The following CNIH3 variants were observed in gnomAD, a reference collection of about 807,000 sequenced individuals.
CNIH3 encodes cornichon family AMPA receptor auxiliary protein 3, also known as protein cornichon homolog 3.
Under a neutral mutation model 24.1 loss-of-function variants are expected in CNIH3, and 14 were observed. The ratio of observed to expected loss-of-function variants is 0.58; its 90% CI spans 0.38 to 0.91. CNIH3 has a LOEUF of 0.91. CNIH3 is among the 40% of genes least tolerant of loss of function. The probability of loss-of-function intolerance (pLI) is 0.00; values close to 1 mark genes in which losing one functional copy is unlikely to be tolerated. For missense variants in CNIH3, 178 were observed against 196.8 expected (o/e 0.90, Z 0.57); for synonymous variants, 68 against 73.8 (o/e 0.92, Z 0.40).
intron 3 of CNIH3, among the ~76,000 whole-genome samples, chr1:224,601,105 G>C (rs1682188452): frequency 6.6e-6 from 1 of 152,204 alleles, no homozygotes; most frequent in East Asian, 1.9e-4. Flanking sequence ...TGAAAGTAAA[G>C]TACACTTGGA....
At chr1:224,580,624 C>T (rs148289402) in intron 4 of CNIH3, among the ~76,000 whole-genome samples, 23 of 151,910 alleles carry the variant, frequency 1.5e-4, no homozygotes, top group African/African-American at 4.3e-4. Context: ...GTCAGGAGAT[C>T]GAGACCATCC....
intron 3 of CNIH3, among the ~76,000 whole-genome samples, chr1:224,686,163 C>G (rs10458376): frequency 0.17 from 20,851 of 125,414 alleles, 1,893 homozygotes; most frequent in African/African-American, 0.22. Context: ...CCCCTCCCCC[C>G]ACCCCACGAC....
intron 1 of CNIH3, among the ~76,000 whole-genome samples, chr1:224,650,522 C>T (rs1040776410): frequency 6.6e-6 from 1 of 151,854 alleles, no homozygotes; most frequent in Non-Finnish European, 1.5e-5. Flanking sequence ...ATAGCAGCCC[C>T]TGACCTGGCT....
At chr1:224,497,771 GCTCCTGA>G (rs1677495622) in intron 1 of CNIH3, among the ~76,000 whole-genome samples, 1 of 152,190 alleles carries the variant, frequency 6.6e-6, no homozygotes, top group South Asian at 2.1e-4. Context: ...GTGGTCAGAT[GCTCCTGA>G]CTATGACCCT....
chr1:224,612,950 C>G (rs1352151242), upstream of CNIH3, among the ~76,000 whole-genome samples: 1 of 152,194 alleles, frequency 6.6e-6, no homozygotes, highest in South Asian at 2.1e-4. The surrounding 1 kb of genome is among the most constrained non-coding windows in gnomAD (Gnocchi z 4.7). Flanking sequence ...TTGGTGGTAT[C>G]TGAGAGCAGC....
Position 224,631,771 on chromosome 1 carries a change from C to T in CNIH3, c.81+14516C>T, listed in dbSNP as rs536383284. On this transcript the variant is annotated intron_variant, in intron 1 of 5. Coordinates refer to ENST00000272133, the MANE Select transcript of CNIH3 (RefSeq NM_152495.2). Reference sequence around the variant, plus strand: ...TCCATTTTGACTCCGGGATGTATCTCTCCTGCTGGGGAAAAATGCAGGGGA... The same window carrying T: ...TCCATTTTGACTCCGGGATGTATCTTTCCTGCTGGGGAAAAATGCAGGGGA... 7.2e-5 allele frequency among the ~76,000 whole-genome samples: 11 copies of T among 152,286 alleles called. No homozygotes were observed. The South Asian group carries it at 2.3e-3, about 32-fold the overall frequency.
At chr1:224,638,111 C>T (rs953909619) in intron 1 of CNIH3, among the ~76,000 whole-genome samples, 5 of 152,240 alleles carry the variant, frequency 3.3e-5, no homozygotes, top group African/African-American at 1.2e-4. Flanking sequence ...GATGGAAGAA[C>T]GCCTTGCGGC....
intron 1 of CNIH3, among the ~76,000 whole-genome samples, chr1:224,630,481 A>G (rs1683764833): frequency 6.6e-6 from 1 of 152,140 alleles, no homozygotes; most frequent in Admixed American, 6.5e-5. Context: ...ATTTGTAAAA[A>G]GGTAGTTTCT....
In CNIH3 at chr1:224,703,270, G is replaced by A. The variant is rs1027418374; in HGVS notation, c.198+18427G>A. On this transcript the variant is annotated intron_variant, in intron 3 of 5. Transcript: ENST00000272133. This position sits in a 1 kb window ranked among gnomAD's most constrained non-coding sequence, Gnocchi z 4.2. ...GGGCAGAGGGCTGGCCAAGGTAGAC[G>A]TGACCACCGGACCAGCTGAGCCACG... 3.3e-5 allele frequency among the ~76,000 whole-genome samples: 5 copies of A among 152,168 alleles called. No homozygotes were observed. Among genetic ancestry groups the A allele is most frequent in the South Asian group, 2.1e-4 (1 of 4,814 alleles).
chr1:224,734,448 G>T (rs1689491945), intron 4 of CNIH3, 115 bp from the exon 5 acceptor site: 3 of 1,009,384 alleles, frequency 3.0e-6, no homozygotes, highest in Non-Finnish European at 4.5e-6. Flanking sequence ...TGGGCAGAAG[G>T]CAGGCAATTG....
chr1:224,516,285 G>T (rs955364681), intron 1 of CNIH3, among the ~76,000 whole-genome samples: 3 of 131,682 alleles, frequency 2.3e-5, no homozygotes, highest in Admixed American at 9.3e-5. Flanking sequence ...CTGCATTCCC[G>T]CCTGGCGACA....
chr1:224,656,920 G>C (rs1685124958), intron 1 of CNIH3, among the ~76,000 whole-genome samples: 2 of 152,192 alleles, frequency 1.3e-5, no homozygotes, highest in Non-Finnish European at 2.9e-5. Flanking sequence ...CCACTTCTGG[G>C]AGCTACTTGT....
chr1:224,605,835 C>A (rs535357358), intron 3 of CNIH3, among the ~76,000 whole-genome samples: 3 of 152,298 alleles, frequency 2.0e-5, no homozygotes, highest in South Asian at 2.1e-4. Context: ...CTTTGAAAAA[C>A]CCCTAATCTC....
At chr1:224,511,735 T>A (rs1334006988), upstream of CNIH3, among the ~76,000 whole-genome samples, 2 of 152,052 alleles carry the variant, frequency 1.3e-5, no homozygotes, top group African/African-American at 2.4e-5. Flanking sequence ...ACACCTGTAG[T>A]CCCAGTTATT....
rs34013827 is a variant in CNIH3, at chr1:224,472,274, T to A, written n.203+37412T>A. 4.2e-3 allele frequency among the ~76,000 whole-genome samples: 637 copies of A among 152,322 alleles called. 5 individuals carry two copies. The highest frequency in any genetic ancestry group is 0.01 in the Middle Eastern group (3 of 292). ...TGCATAAAAACCATTTAAAATGAAG[T>A]GATATCACATTTTCTATATGATAAT... On this transcript the variant is annotated intron_variant and non_coding_transcript_variant, in intron 1 of 5. Transcript: ENST00000471578.
chr1:224,645,162 T>C (rs1684541818), intron 1 of CNIH3, among the ~76,000 whole-genome samples: 1 of 152,226 alleles, frequency 6.6e-6, no homozygotes, highest in African/African-American at 2.4e-5. Context: ...AAGGAAAAAC[T>C]GTATGCTTAC....
chr1:224,684,984 G>A lies in CNIH3; in HGVS notation c.198+141G>A. On this transcript the variant is annotated intron_variant, in intron 3 of 5. Coordinates refer to ENST00000272133, the MANE Select transcript of CNIH3 (RefSeq NM_152495.2). This position sits in a 1 kb window ranked among gnomAD's most constrained non-coding sequence, Gnocchi z 4.2. ...TGGTGGCAGGGAAAGGGGGAGGTGG[G>A]AGCAAGTGATCAGTTCTTTGGAAAC... 1 of 798,278 alleles carries A rather than the reference G, an allele frequency of 1.3e-6. No homozygotes were observed. Among genetic ancestry groups the A allele is most frequent in the Non-Finnish European group, 2.2e-6 (1 of 454,486 alleles). 49.4% of individuals were successfully genotyped at this position (798,278 alleles called of 1,614,324 possible).
chr1:224,532,247 C>T (rs976454999), intron 2 of CNIH3, among the ~76,000 whole-genome samples: 3 of 152,030 alleles, frequency 2.0e-5, no homozygotes, highest in South Asian at 2.1e-4. Flanking sequence ...CTAGAGAGTG[C>T]GAGGAACAGC....
intron 2 of CNIH3, among the ~76,000 whole-genome samples, chr1:224,523,189 T>A (rs748712023): frequency 6.6e-6 from 1 of 151,818 alleles, no homozygotes; most frequent in Non-Finnish European, 1.5e-5. Context: ...TAGTGAGCTA[T>A]GATTGGGCCA....
Sources: gnomAD v4.1 joint callset for allele counts (sites outside exome capture counted in the v4.1 genomes callset) on GRCh38, gnomAD v4.1.1 for gene constraint, Gnocchi (gnomAD v3.1) non-coding constraint, MANE v1.5 for transcripts, NCBI Gene and HGNC (gene_info 2026-07-23, HGNC 2026-07-21) for gene names.